MRPS23: variants seen among roughly 807,000 people sequenced by gnomAD.
MRPS23 encodes the protein mitochondrial ribosomal protein S23, also known as small ribosomal subunit protein mS23.
MRPS23 carries 14 observed loss-of-function variants against 19.8 expected under a neutral mutation model. The observed-to-expected ratio is 0.71, with a 90% CI of 0.47 to 1.11. MRPS23 has a LOEUF of 1.11. Among genes scored for constraint, MRPS23 ranks in the 50% least tolerant of loss-of-function variants. The pLI is 0.00. For missense variants in MRPS23, 242 were observed against 236.7 expected, an observed-to-expected ratio of 1.02 and a Z score of -0.15; for synonymous variants, 113 against 89.7, an observed-to-expected ratio of 1.26 and a Z score of -1.47.
At position 57,839,703 on chromosome 17, in the gene MRPS23, C is replaced by A; in HGVS notation, c.*80G>T. 6.6e-7 allele frequency: 1 copy of A among 1,509,626 alleles called. No individual in the cohort carries two copies. Among genetic ancestry groups the A allele is most frequent in the Non-Finnish European group, 9.0e-7 (1 of 1,115,590 alleles). 93.5% of individuals were successfully genotyped at this position (1,509,626 alleles called of 1,614,324 possible). A position where few individuals can be genotyped will look rare whatever the true frequency, so the allele number is the denominator to read the frequency against. On this transcript the variant is annotated 3_prime_UTR_variant, in exon 5 of 5. Transcript: ENST00000313608. ...CCTTAGAGATCAAGAAACATTTACA[C>A]AGTTCAACTGTTTAAAAATAGCTCA...
chr17:57,843,182 G>T lies in MRPS23; in HGVS notation c.216-1922C>A, dbSNP rs143612393. The stretch of plus-strand genomic sequence containing the variant: ...TCCCAGCTACTCAGGAGGCTGAGGT[G>T]GGAGGATCACTTGAGTCCAGGAGGT... On this transcript the variant is annotated intron_variant, in intron 2 of 4. Coordinates refer to ENST00000313608, the MANE Select transcript of MRPS23 (RefSeq NM_016070.4). Among the ~76,000 whole-genome samples, 863 of 151,324 alleles carry T rather than the reference G, an allele frequency of 5.7e-3. 6 individuals are homozygous for T. Among genetic ancestry groups the T allele is most frequent in the African/African-American group, 0.02 (811 of 41,204 alleles).
intron 2 of MRPS23, among the ~76,000 whole-genome samples, chr17:57,846,327 G>A (rs1286696862): frequency 7.3e-5 from 11 of 151,306 alleles, no homozygotes; most frequent in African/African-American, 2.2e-4. Flanking sequence ...CCACTGCCCC[G>A]TCCGGGAGGT....
At chr17:57,845,929 A>T (rs1472553392) in intron 2 of MRPS23, among the ~76,000 whole-genome samples, 1 of 152,216 alleles carries the variant, frequency 6.6e-6, no homozygotes, top group African/African-American at 2.4e-5. Flanking sequence ...GTGCTTAATG[A>T]ATGTTTGTTA....
chr17:57,838,452 T>C lies in MRPS23; in HGVS notation c.*1331A>G, dbSNP rs2073720791. On this transcript the variant is annotated 3_prime_UTR_variant, in exon 5 of 5. Coordinates refer to ENST00000313608, the MANE Select transcript of MRPS23 (RefSeq NM_016070.4). ...ACCTGCCCTTAAAAAACCAGAAACC[T>C]AAGGTTTAAAGAGATGAGTGACCCC... 1 of 151,904 alleles carries C rather than the reference T, an allele frequency of 6.6e-6. No individual in the cohort carries two copies. Among genetic ancestry groups the C allele is most frequent in the African/African-American group, 2.4e-5 (1 of 41,344 alleles). The allele number at this position is 151,904 out of a possible 1,614,324, so 9.4% of individuals were successfully genotyped here. A position where few individuals can be genotyped will look rare whatever the true frequency, so the allele number is the denominator to read the frequency against.
At chr17:57,841,902 G>A (rs762660998) in intron 2 of MRPS23, among the ~76,000 whole-genome samples, 7 of 152,106 alleles carry the variant, frequency 4.6e-5, no homozygotes, top group Non-Finnish European at 1.0e-4. Flanking sequence ...AGTGGAGAGC[G>A]CACCATTGCA....
In MRPS23 at chr17:57,849,266, G is replaced by C; in HGVS notation, c.189C>G (p.Ile63Met). The C allele has an allele frequency of 6.2e-7, 1 of 1,614,230 alleles. No individual in the cohort carries two copies. The highest frequency in any genetic ancestry group is 8.5e-7 in the Non-Finnish European group (1 of 1,180,038). ...YGKAKAPIQDIWYHEDRIRAK... is the reference protein window; with the variant it reads ...YGKAKAPIQDMWYHEDRIRAK... ...CTCTAATCCGATCCTCGTGGTACCA[G>C]ATGTCTTGGATGGGAGCTTTGGCTT... The change falls in exon 2 of 5, where the codon ATC (isoleucine) becomes ATG (methionine). Residue 63 changes from isoleucine (I) to methionine (M), a missense_variant. Physicochemically the swap from Ile to Met is conservative, Grantham distance 10. Coordinates refer to ENST00000313608, the MANE Select transcript of MRPS23 (RefSeq NM_016070.4).
chr17:57,847,569 G>A (rs984258442), intron 2 of MRPS23, among the ~76,000 whole-genome samples: 6 of 150,784 alleles, frequency 4.0e-5, no homozygotes, highest in Admixed American at 2.6e-4. Context: ...GGCTGAGGCA[G>A]GAGAATGGCA....
At position 57,837,140 on chromosome 17, in the gene MRPS23, C is replaced by T. The variant is rs2073710761; in HGVS notation, c.*2643G>A. 2 of 152,168 alleles carry T rather than the reference C, an allele frequency of 1.3e-5. No homozygotes were observed. Among genetic ancestry groups the T allele is most frequent in the Non-Finnish European group, 2.9e-5 (2 of 68,044 alleles). The allele number at this position is 152,168 out of a possible 1,614,324, so 9.4% of individuals were successfully genotyped here. ...TATGTTTTGATCACTAAGACTTAAC[C>T]TAAAGAAGTCAATGAGTGACAGCAG... is the stretch of plus-strand genomic sequence containing the variant. On this transcript the variant is annotated 3_prime_UTR_variant, in exon 5 of 5. Transcript: ENST00000313608.
chr17:57,841,577 T>C (rs2073740716), intron 2 of MRPS23, among the ~76,000 whole-genome samples: 1 of 152,210 alleles, frequency 6.6e-6, no homozygotes, highest in Non-Finnish European at 1.5e-5. Flanking sequence ...TCCACTAATA[T>C]ACTAGCATAT....
At chr17:57,845,990 G>C (rs2073770294) in intron 2 of MRPS23, among the ~76,000 whole-genome samples, 1 of 152,116 alleles carries the variant, frequency 6.6e-6, no homozygotes, top group Non-Finnish European at 1.5e-5. Flanking sequence ...GACAGGCTAA[G>C]GCCACAACAG....
chr17:57,843,910 G>C (rs2073755946), intron 2 of MRPS23, among the ~76,000 whole-genome samples: 1 of 151,984 alleles, frequency 6.6e-6, no homozygotes, highest in African/African-American at 2.4e-5. Context: ...GCTGTCTTTT[G>C]ATTTTGCTTA....
intron 2 of MRPS23, chr17:57,848,710 G>C (rs1219924542): frequency 1.3e-5 from 2 of 149,154 alleles, no homozygotes; most frequent in Non-Finnish European, 3.0e-5. Context: ...CATCTGAGTG[G>C]CTTCAAAGAG....
At chr17:57,845,087 G>C (rs774486424) in intron 2 of MRPS23, among the ~76,000 whole-genome samples, 1 of 151,960 alleles carries the variant, frequency 6.6e-6, no homozygotes, top group African/African-American at 2.4e-5. Context: ...TAGCAGAGGT[G>C]GGGTTTCACC....
At chr17:57,846,724 G>GAGA (rs2073778410) in intron 2 of MRPS23, among the ~76,000 whole-genome samples, 1 of 151,864 alleles carries the variant, frequency 6.6e-6, no homozygotes, top group Non-Finnish European at 1.5e-5. Context: ...CAGCATGCTC[G>GAGA]TTAAGAGTCA....
intron 2 of MRPS23, among the ~76,000 whole-genome samples, chr17:57,848,113 C>T (rs1309892507): frequency 6.6e-6 from 1 of 151,722 alleles, no homozygotes; most frequent in Non-Finnish European, 1.5e-5. Flanking sequence ...TTGGTAGAGA[C>T]AAGTCCTGCT....
chr17:57,845,210 A>G (rs2073764976), intron 2 of MRPS23, among the ~76,000 whole-genome samples: 1 of 152,232 alleles, frequency 6.6e-6, no homozygotes, highest in Admixed American at 6.5e-5. Context: ...TAATGTATCA[A>G]TGAACCACAA....
intron 2 of MRPS23, among the ~76,000 whole-genome samples, chr17:57,846,194 C>A (rs1350911182): frequency 1.2e-4 from 18 of 148,990 alleles, no homozygotes; most frequent in Admixed American, 6.6e-5. Flanking sequence ...CCGCCCCGTC[C>A]GGGAGGGAGG....
intron 2 of MRPS23, among the ~76,000 whole-genome samples, chr17:57,842,895 C>CAT (rs2073749656): frequency 4.2e-5 from 4 of 95,410 alleles, no homozygotes; most frequent in South Asian, 8.0e-4. Context: ...TATATATACA[C>CAT]ACACACACAC....
chr17:57,839,037 G>A lies in MRPS23; in HGVS notation c.*746C>T, dbSNP rs1401446607. The A allele has an allele frequency of 4.6e-5, 7 of 152,228 alleles. No individual in the cohort carries two copies. Among genetic ancestry groups the A allele is most frequent in the African/African-American group, 1.7e-4 (7 of 41,440 alleles). The allele number at this position is 152,228 out of a possible 1,614,324, so 9.4% of individuals were successfully genotyped here. Reference sequence around the variant, plus strand: ...CCCAGGGAGGCAGGTGGATGCTGGTGGAGAGCATCACCTAAATTAGCTGCC... The same window carrying A: ...CCCAGGGAGGCAGGTGGATGCTGGTAGAGAGCATCACCTAAATTAGCTGCC... On this transcript the variant is annotated 3_prime_UTR_variant, in exon 5 of 5. Coordinates refer to ENST00000313608, the MANE Select transcript of MRPS23 (RefSeq NM_016070.4).
Sources: gnomAD v4.1 joint callset for allele counts (sites outside exome capture counted in the v4.1 genomes callset) on GRCh38, gnomAD v4.1.1 for gene constraint, MANE v1.5 for transcripts, NCBI Gene and HGNC (gene_info 2026-07-23, HGNC 2026-07-21) for gene names.